IL1RAPL2: variants seen among roughly 807,000 people sequenced by gnomAD.
IL1RAPL2 encodes interleukin 1 receptor accessory protein like 2.
A neutral mutation model predicts 44.1 loss-of-function variants in IL1RAPL2; 3 were observed. The observed-to-expected ratio is 0.07, with a 90% confidence interval of 0.03 to 0.18. The LOEUF (loss-of-function observed/expected upper bound fraction) is 0.18. Among genes scored for constraint, IL1RAPL2 ranks in the 10% least tolerant of loss-of-function variants. IL1RAPL2 has a pLI of 1.00. For synonymous variants in IL1RAPL2, 181 were observed against 178.8 expected, an observed-to-expected ratio of 1.01 and a Z score of -0.10; for missense variants, 391 against 496.4, an observed-to-expected ratio of 0.79 and a Z score of 2.02.
At chrX:104,674,625 G>A (rs1930702868) in intron 2 of IL1RAPL2, among the ~76,000 whole-genome samples, 1 of 110,997 alleles carries the variant, frequency 9.0e-6, no homozygotes, top group Non-Finnish European at 1.9e-5. Flanking sequence ...ATGAGTTAGG[G>A]AGGATTCCCT....
chrX:104,674,146 G>T (rs1261770262), intron 2 of IL1RAPL2, among the ~76,000 whole-genome samples: 1 of 112,013 alleles, frequency 8.9e-6, no homozygotes, highest in Non-Finnish European at 1.9e-5. Context: ...TTGAAGAGGA[G>T]TGTTGAGAGA....
At chrX:105,493,026 T>A (rs1346596057) in intron 6 of IL1RAPL2, among the ~76,000 whole-genome samples, 1 of 112,091 alleles carries the variant, frequency 8.9e-6, no homozygotes, top group African/African-American at 3.2e-5. Flanking sequence ...ATAAAATATG[T>A]AACATGTGGT....
At chrX:105,012,598 T>TCTCTCTCTCTC (rs2031070079) in intron 2 of IL1RAPL2, among the ~76,000 whole-genome samples, 1 of 51,729 alleles carries the variant, frequency 1.9e-5, no homozygotes. Flanking sequence ...AACTTTCTCT[T>TCTCTCTCTCTC]TCTCTCTCTC....
intron 2 of IL1RAPL2, among the ~76,000 whole-genome samples, chrX:104,994,525 A>G (rs2030715603): frequency 9.0e-6 from 1 of 111,643 alleles, no homozygotes. Flanking sequence ...TATAAATTGT[A>G]CCTCAATAAA....
chrX:104,868,526 A>T (rs1922679576), intron 2 of IL1RAPL2, among the ~76,000 whole-genome samples: 1 of 112,373 alleles, frequency 8.9e-6, no homozygotes, highest in Non-Finnish European at 1.9e-5. Context: ...ATGACTGCAG[A>T]AAAGAACTTG....
chrX:104,575,253 CAT>C (rs1346846065), intron 1 of IL1RAPL2, among the ~76,000 whole-genome samples: 1 of 110,821 alleles, frequency 9.0e-6, no homozygotes, highest in Non-Finnish European at 1.9e-5. Flanking sequence ...TATGGATAAA[CAT>C]ATAATAATAA....
chrX:104,575,639 A>G (rs1469536216), intron 1 of IL1RAPL2, among the ~76,000 whole-genome samples: 1 of 112,061 alleles, frequency 8.9e-6, no homozygotes, highest in Non-Finnish European at 1.9e-5. Flanking sequence ...TACAGCTGCC[A>G]GTGCCACTAT....
intron 6 of IL1RAPL2, among the ~76,000 whole-genome samples, chrX:105,644,301 G>T: frequency 9.0e-6 from 1 of 111,492 alleles, no homozygotes; most frequent in Non-Finnish European, 1.9e-5. Context: ...GGGGAAAAAG[G>T]TCATGAGGAT....
Position 105,614,687 on chromosome X carries a change from G to A in IL1RAPL2, c.773-102680G>A, listed in dbSNP as rs774132688. ...CCTTATACAAAAATCAAATAAAACT[G>A]GATTAAAGACTTAAATCGAAGGTCT... is the stretch of plus-strand genomic sequence containing the variant. On this transcript the variant is annotated intron_variant, in intron 6 of 10. Coordinates refer to ENST00000372582, the MANE Select transcript of IL1RAPL2 (RefSeq NM_017416.2). Among the ~76,000 whole-genome samples the A allele has an allele frequency of 3.6e-5, 4 of 111,462 alleles. No homozygotes were observed. The East Asian group carries it at 8.5e-4, about 24-fold the overall frequency.
At chrX:104,584,077 T>C (rs1405712299) in intron 1 of IL1RAPL2, among the ~76,000 whole-genome samples, 2 of 110,998 alleles carry the variant, frequency 1.8e-5, no homozygotes, top group Non-Finnish European at 3.8e-5. Context: ...AAAATACCTA[T>C]TTCTGTACCC....
chrX:105,644,346 A>G (rs978968538), intron 6 of IL1RAPL2, among the ~76,000 whole-genome samples: 3 of 111,552 alleles, frequency 2.7e-5, no homozygotes, highest in African/African-American at 9.8e-5. Flanking sequence ...GATATCAGAG[A>G]TAAGATTTTT....
intron 7 of IL1RAPL2, among the ~76,000 whole-genome samples, chrX:105,738,024 G>A (rs909943148): frequency 9.9e-5 from 11 of 111,674 alleles, no homozygotes. Flanking sequence ...AAGGGCTTGA[G>A]ATTTTAGTAT....
intron 2 of IL1RAPL2, among the ~76,000 whole-genome samples, chrX:104,715,384 C>G (rs1343945664): frequency 1.1e-5 from 1 of 94,885 alleles, no homozygotes; most frequent in Non-Finnish European, 2.1e-5. Context: ...CTTCATTACT[C>G]TAGCTAGTAG....
intron 2 of IL1RAPL2, among the ~76,000 whole-genome samples, chrX:104,858,477 C>T (rs924140123): frequency 8.9e-6 from 1 of 111,761 alleles, no homozygotes; most frequent in African/African-American, 3.2e-5. Context: ...TAAAAACAAA[C>T]AAACTTGTAA....
At chrX:105,519,552 G>A (rs1252882142) in intron 6 of IL1RAPL2, among the ~76,000 whole-genome samples, 1 of 111,352 alleles carries the variant, frequency 9.0e-6, no homozygotes, top group Non-Finnish European at 1.9e-5. Flanking sequence ...AAGAATCTTA[G>A]GGCTCAAGCA....
intron 2 of IL1RAPL2, among the ~76,000 whole-genome samples, chrX:105,028,171 A>G (rs1344376813): frequency 1.8e-5 from 2 of 111,208 alleles, no homozygotes; most frequent in African/African-American, 6.5e-5. Context: ...CGGTTACCAG[A>G]GACTGGGAAG....
At chrX:105,685,649 C>T (rs1302023647) in intron 6 of IL1RAPL2, among the ~76,000 whole-genome samples, 2 of 111,673 alleles carry the variant, frequency 1.8e-5, no homozygotes, top group Non-Finnish European at 3.8e-5. Flanking sequence ...TCCAGGAGAA[C>T]TTCCCCAACC....
At chrX:105,355,572 C>G (rs753275292) in intron 5 of IL1RAPL2, among the ~76,000 whole-genome samples, 4 of 111,651 alleles carry the variant, frequency 3.6e-5, no homozygotes, top group African/African-American at 9.8e-5. Context: ...ACTATATGAA[C>G]CATGAGGCCA....
intron 2 of IL1RAPL2, among the ~76,000 whole-genome samples, chrX:104,941,904 A>C (rs1424938607): frequency 8.9e-6 from 1 of 111,973 alleles, no homozygotes; most frequent in African/African-American, 3.3e-5. Context: ...ATCCAGATTC[A>C]GCTTTCTACA....
Sources: allele counts gnomAD v4.1 joint callset (sites outside exome capture counted in the v4.1 genomes callset), GRCh38; gene constraint gnomAD v4.1.1; transcripts MANE v1.5; gene names NCBI Gene and HGNC (gene_info 2026-07-23, HGNC 2026-07-21).